The following CUL1 variants were observed in gnomAD, a reference collection of about 807,000 sequenced individuals.
The protein encoded by CUL1 is cullin 1, also known as cullin-1.
Under a neutral mutation model 118.0 loss-of-function variants are expected in CUL1, and 24 were observed. The observed-to-expected ratio is 0.20, with a 90% CI of 0.15 to 0.29. CUL1 has a LOEUF of 0.29. CUL1 is among the 10% of genes least tolerant of loss of function. The pLI, the probability that CUL1 is intolerant of heterozygous loss-of-function variation, is 1.00. For missense variants in CUL1, 361 were observed against 933.8 expected, an observed-to-expected ratio of 0.39 and a Z score of 7.99; for synonymous variants, 332 against 340.4, an observed-to-expected ratio of 0.98 and a Z score of 0.27.
rs764446772 is a variant in CUL1 at position 148,767,759 on chromosome 7, A to T, written c.1083+10A>T. On this transcript the variant is annotated intron_variant, in intron 9 of 21. Coordinates refer to ENST00000325222, the MANE Select transcript of CUL1 (RefSeq NM_003592.3). The stretch of plus-strand genomic sequence containing the variant: ...AGAAGCTGCTTTAAATGTAAGTGAG[A>T]TTTCATTGAAAATCAGTCAGGCTGA... 1 of 1,611,032 alleles carries T rather than the reference A, an allele frequency of 6.2e-7. No homozygotes were observed. The highest frequency in any genetic ancestry group is 8.5e-7 in the Non-Finnish European group (1 of 1,178,892).
Position 148,767,651 on chromosome 7 carries a change from A to G in CUL1, c.985A>G (p.Ile329Val). 1 of 1,614,020 alleles carries G rather than the reference A, an allele frequency of 6.2e-7. No homozygotes were observed. Among genetic ancestry groups the G allele is most frequent in the Non-Finnish European group, 8.5e-7 (1 of 1,179,956 alleles). ...LGRMYNLVSR[I>V]QDGLGELKKL... Reference sequence around the variant, plus strand: ...ACGCATGTATAATCTTGTATCTAGAATCCAGGATGGCCTAGGAGAATTGAA... The same window carrying G: ...ACGCATGTATAATCTTGTATCTAGAGTCCAGGATGGCCTAGGAGAATTGAA... Residue 329 changes from isoleucine (I) to valine (V), a missense_variant, in exon 9 of 22, where the codon ATC (isoleucine) becomes GTC (valine). This residue lies in a region of CUL1 where 169 missense variants were observed against 429.7 expected (regional missense o/e 0.39). Transcript: ENST00000325222.
chr7:148,799,135 C>A, intron 20 of CUL1, 140 bp from the exon 21 acceptor site: 1 of 621,192 alleles, frequency 1.6e-6, no homozygotes. Context: ...CCCGTCTCAC[C>A]TGCAGGATGT....
intron 16 of CUL1, among the ~76,000 whole-genome samples, chr7:148,791,123 C>T (rs556165708): frequency 1.2e-3 from 184 of 152,198 alleles, no homozygotes; most frequent in Admixed American, 2.5e-3. Flanking sequence ...GAGTTTGAGA[C>T]AAGCCTGGAC....
upstream of CUL1, chr7:148,698,265 G>A (rs1294476793): frequency 6.6e-6 from 1 of 152,298 alleles, no homozygotes. Context: ...CAAAGGTGTG[G>A]AGTCAGGTTC....
chr7:148,725,186 C>T (rs1798520774), intron 1 of CUL1, among the ~76,000 whole-genome samples: 1 of 150,050 alleles, frequency 6.7e-6, no homozygotes, highest in African/African-American at 2.5e-5. Context: ...ATGCAGCGCA[C>T]ATGCGCGCGT....
chr7:148,792,879 T>C (rs1801065008), intron 17 of CUL1, 61 bp downstream of exon 17: 2 of 1,241,186 alleles, frequency 1.6e-6, no homozygotes, highest in African/African-American at 3.0e-5. Flanking sequence ...TCGTGGATAT[T>C]GTTAGGAAAG....
Position 148,767,431 on chromosome 7 carries a change from A to G in CUL1, c.953-188A>G, listed in dbSNP as rs1490086138. Among the ~76,000 whole-genome samples, 8 of 152,122 alleles carry G rather than the reference A, an allele frequency of 5.3e-5. No individual in the cohort carries two copies. In the East Asian group the frequency reaches 1.5e-3, roughly 29 times the overall value. On this transcript the variant is annotated intron_variant, in intron 8 of 21. Transcript: ENST00000325222. ...AGTAAATAGTAACAATTTCATTGTT[A>G]CTTTTAGCAAAATATACATATACCA... is the stretch of plus-strand genomic sequence containing the variant.
chr7:148,729,230 G>C (rs1011512207), intron 1 of CUL1, among the ~76,000 whole-genome samples: 3 of 152,160 alleles, frequency 2.0e-5, no homozygotes, highest in Non-Finnish European at 4.4e-5. Flanking sequence ...CATTTACTCT[G>C]TGTTAAGTAT....
At chr7:148,700,907 T>TG (rs1288180558) in intron 1 of CUL1, among the ~76,000 whole-genome samples, 1 of 152,184 alleles carries the variant, frequency 6.6e-6, no homozygotes, top group Admixed American at 6.6e-5. Flanking sequence ...CTAATGTGTG[T>TG]ACCACATCAG....
rs1801339060 is a variant in CUL1, at chr7:148,800,201, A to G, written c.2251-301A>G. Among the ~76,000 whole-genome samples the G allele has an allele frequency of 6.6e-6, 1 of 152,126 alleles. No individual in the cohort carries two copies. Among genetic ancestry groups the G allele is most frequent in the African/African-American group, 2.4e-5 (1 of 41,410 alleles). On this transcript the variant is annotated intron_variant, in intron 21 of 21. Coordinates refer to ENST00000325222, the MANE Select transcript of CUL1 (RefSeq NM_003592.3). This position sits in a 1 kb window ranked among gnomAD's most constrained non-coding sequence, Gnocchi z 4.6. Reference sequence around the variant, plus strand: ...TGAGTCCTGCCGCAGAGGCAGGCAGATTTTGGTGGTAGAAAGGGAGACTGG... The same window carrying G: ...TGAGTCCTGCCGCAGAGGCAGGCAGGTTTTGGTGGTAGAAAGGGAGACTGG...
At chr7:148,776,218 T>C (rs1033626447) in intron 9 of CUL1, among the ~76,000 whole-genome samples, 4 of 150,524 alleles carry the variant, frequency 2.7e-5, no homozygotes, top group African/African-American at 9.8e-5. Context: ...AGATGCCTCC[T>C]GTCCAGGACG....
At chr7:148,747,679 G>C (rs1799348903) in intron 2 of CUL1, among the ~76,000 whole-genome samples, 1 of 152,172 alleles carries the variant, frequency 6.6e-6, no homozygotes, top group Non-Finnish European at 1.5e-5. Flanking sequence ...AAGGAGAGTG[G>C]GGAAAGTTGT....
At chr7:148,749,967 G>A (rs1799435150) in intron 2 of CUL1, among the ~76,000 whole-genome samples, 1 of 152,218 alleles carries the variant, frequency 6.6e-6, no homozygotes, top group Non-Finnish European at 1.5e-5. Context: ...AGTTGGAGTG[G>A]TCTGGATAGA....
intron 13 of CUL1, 129 bp from the exon 14 acceptor site, chr7:148,788,428 T>C: frequency 3.2e-6 from 2 of 632,626 alleles, no homozygotes; most frequent in South Asian, 3.9e-5. Context: ...TATAGCAAAA[T>C]GTTACTAGCT....
chr7:148,796,373 T>C (rs1225608749), intron 17 of CUL1, among the ~76,000 whole-genome samples: 1 of 152,222 alleles, frequency 6.6e-6, no homozygotes, highest in Non-Finnish European at 1.5e-5. Flanking sequence ...CTTGCCGGTA[T>C]TTTCTCGAGT....
At chr7:148,742,712 C>T (rs2129459975) in intron 2 of CUL1, among the ~76,000 whole-genome samples, 1 of 149,362 alleles carries the variant, frequency 6.7e-6, no homozygotes, top group East Asian at 2.0e-4. Context: ...AGCGATTCTC[C>T]TGCCTCAGCC....
intron 7 of CUL1, among the ~76,000 whole-genome samples, chr7:148,766,167 G>C (rs1270900609): frequency 1.3e-5 from 2 of 152,062 alleles, no homozygotes; most frequent in Non-Finnish European, 2.9e-5. Context: ...GTCTTGCTCT[G>C]TTGCCCAGGC....
intron 9 of CUL1, among the ~76,000 whole-genome samples, chr7:148,773,308 A>T (rs538628218): frequency 5.8e-4 from 88 of 152,080 alleles, no homozygotes; most frequent in Non-Finnish European, 1.1e-3. Context: ...ACTCTGGCTA[A>T]TGTCTCTACT....
At chr7:148,757,571 T>C (rs1272817575) in intron 4 of CUL1, among the ~76,000 whole-genome samples, 1 of 152,206 alleles carries the variant, frequency 6.6e-6, no homozygotes, top group Non-Finnish European at 1.5e-5. Context: ...GAGAGGACCC[T>C]GAATTAATTA....
Sources: allele counts gnomAD v4.1 joint callset (sites outside exome capture counted in the v4.1 genomes callset), GRCh38; gene constraint gnomAD v4.1.1; regional missense constraint gnomAD v4.1.1; non-coding constraint Gnocchi (gnomAD v3.1); transcripts MANE v1.5; gene names NCBI Gene and HGNC (gene_info 2026-07-23, HGNC 2026-07-21).